KAZN: variants seen among roughly 807,000 people sequenced by gnomAD.
KAZN encodes kazrin, periplakin interacting protein.
In KAZN, 40 loss-of-function variants were observed where a neutral mutation model predicts 87.4. That is an observed-to-expected ratio of 0.46 (90% CI 0.36 to 0.60). KAZN has a LOEUF of 0.60. Ranked by LOEUF, KAZN falls within the 20% of genes least tolerant of loss-of-function variation. The probability of loss-of-function intolerance (pLI) is 0.00; values close to 1 mark genes in which losing one functional copy is unlikely to be tolerated. For missense variants in KAZN, 898 were observed against 1,073.9 expected (o/e 0.84, Z 2.29); for synonymous variants, 466 against 458.3 (o/e 1.02, Z -0.22).
At chr1:15,090,973 G>A (rs182001686) in intron 8 of KAZN, among the ~76,000 whole-genome samples, 4 of 152,340 alleles carry the variant, frequency 2.6e-5, no homozygotes, top group Non-Finnish European at 4.4e-5. Flanking sequence ...TTAAAATGGA[G>A]AGAGGGAAGG....
At chr1:14,007,247 T>C (rs1640076843) in intron 1 of KAZN, among the ~76,000 whole-genome samples, 1 of 152,254 alleles carries the variant, frequency 6.6e-6, no homozygotes, top group Non-Finnish European at 1.5e-5. Flanking sequence ...ATGTAGTCTT[T>C]AAGGTTTTCC....
rs941594957 is a variant in KAZN, at chr1:14,949,018, G to A, written c.227-11666G>A. ...CAAAAAATACAAACATTAGAAGGGC[G>A]TTGTAGCACATGCCTGTAATCCCAG... On this transcript the variant is annotated intron_variant, in intron 1 of 14. Transcript: ENST00000376030. The surrounding 1 kb of genome is among the most constrained non-coding windows in gnomAD (Gnocchi z 4.3). Among the ~76,000 whole-genome samples the A allele has an allele frequency of 3.9e-5, 6 of 151,948 alleles. No homozygotes were observed. Among genetic ancestry groups the A allele is most frequent in the East Asian group, 1.9e-4 (1 of 5,176 alleles).
intron 1 of KAZN, among the ~76,000 whole-genome samples, chr1:14,752,646 T>C (rs948187247): frequency 6.6e-6 from 1 of 152,082 alleles, no homozygotes; most frequent in Non-Finnish European, 1.5e-5. Flanking sequence ...ACCAATCCCA[T>C]TCATGAGGGC....
chr1:14,659,466 A>G (rs1461893618), intron 1 of KAZN, among the ~76,000 whole-genome samples: 1 of 152,114 alleles, frequency 6.6e-6, no homozygotes, highest in Non-Finnish European at 1.5e-5. Flanking sequence ...TCACTTACCT[A>G]GCCTCTCTGC....
intron 1 of KAZN, among the ~76,000 whole-genome samples, chr1:14,056,512 C>T (rs1177992537): frequency 6.6e-6 from 1 of 152,216 alleles, no homozygotes; most frequent in East Asian, 1.9e-4. Flanking sequence ...TTTAGCTCTG[C>T]AAGACTCATT....
At chr1:15,012,794 C>T (rs374419421) in intron 2 of KAZN, among the ~76,000 whole-genome samples, 2 of 152,110 alleles carry the variant, frequency 1.3e-5, no homozygotes, top group African/African-American at 4.8e-5. Flanking sequence ...TGGTGGTGCA[C>T]ACCTGTAGTC....
chr1:14,394,815 C>T (rs1200543993), intron 2 of KAZN, among the ~76,000 whole-genome samples: 4 of 152,208 alleles, frequency 2.6e-5, no homozygotes, highest in Non-Finnish European at 5.9e-5. Flanking sequence ...GGAAGTGTTC[C>T]TCTCTTACAG....
chr1:14,101,675 A>C (rs969441558), intron 1 of KAZN, among the ~76,000 whole-genome samples: 1 of 152,210 alleles, frequency 6.6e-6, no homozygotes, highest in East Asian at 1.9e-4. Context: ...AATTACTTTA[A>C]GTAGAATTTT....
chr1:14,047,224 C>A (rs559989758), intron 1 of KAZN, among the ~76,000 whole-genome samples: 18 of 152,272 alleles, frequency 1.2e-4, no homozygotes, highest in African/African-American at 3.1e-4. Context: ...GTGTCCACAC[C>A]CCCTCTCGGT....
intron 1 of KAZN, among the ~76,000 whole-genome samples, chr1:14,010,524 A>C (rs2101187583): frequency 6.6e-6 from 1 of 152,316 alleles, no homozygotes; most frequent in Admixed American, 6.5e-5. Context: ...TCACCATCCA[A>C]GTCTTGCAAT....
intron 2 of KAZN, among the ~76,000 whole-genome samples, chr1:15,024,681 A>T (rs1441410368): frequency 2.0e-5 from 3 of 151,920 alleles, no homozygotes; most frequent in Non-Finnish European, 4.4e-5. Context: ...TGACCCTCAC[A>T]CTCCTGGACC....
intron 2 of KAZN, among the ~76,000 whole-genome samples, chr1:14,322,739 C>T (rs927849043): frequency 6.6e-6 from 1 of 152,180 alleles, no homozygotes; most frequent in Admixed American, 6.5e-5. Flanking sequence ...TAACTTCTTA[C>T]TCAGGAACCA....
Position 14,753,106 on chromosome 1 carries a change from G to A in KAZN, c.226+153883G>A, listed in dbSNP as rs776753173. Among the ~76,000 whole-genome samples the A allele has an allele frequency of 8.1e-4, 123 of 152,308 alleles. 1 individual carries two copies. The highest frequency in any genetic ancestry group is 1.2e-3 in the South Asian group (6 of 4,820). Reference sequence around the variant, plus strand: ...CAAATCGTGGTTGAGGTCAATTGCCGACTGTTTACTGAGAGGATCCATCAT... The same window carrying A: ...CAAATCGTGGTTGAGGTCAATTGCCAACTGTTTACTGAGAGGATCCATCAT... On this transcript the variant is annotated intron_variant, in intron 1 of 14. Transcript: ENST00000376030.
intron 1 of KAZN, among the ~76,000 whole-genome samples, chr1:14,940,535 G>A (rs1660938185): frequency 6.6e-6 from 1 of 152,218 alleles, no homozygotes; most frequent in Admixed American, 6.5e-5. Flanking sequence ...AGAATGGGTT[G>A]GGTGGTTGGG....
chr1:14,274,641 G>GTGAC (rs1557609108), intron 2 of KAZN, among the ~76,000 whole-genome samples: 1 of 152,140 alleles, frequency 6.6e-6, no homozygotes, highest in Non-Finnish European at 1.5e-5. Flanking sequence ...CACTGGTTTG[G>GTGAC]TGACTGAAAG....
chr1:14,215,633 A>G (rs1454303738), intron 2 of KAZN, among the ~76,000 whole-genome samples: 1 of 152,204 alleles, frequency 6.6e-6, no homozygotes, highest in Non-Finnish European at 1.5e-5. Context: ...GAAAACTGCT[A>G]TAGGTCTGGC....
chr1:14,466,919 A>G (rs1668184258), intron 2 of KAZN, among the ~76,000 whole-genome samples: 1 of 152,172 alleles, frequency 6.6e-6, no homozygotes, highest in South Asian at 2.1e-4. Flanking sequence ...CAGTGAGCCG[A>G]GATCGCGCCA....
exon 1 of KAZN, chr1:13,893,350 C>T (rs1638910637): frequency 4.2e-6 from 1 of 235,528 alleles, no homozygotes; most frequent in Non-Finnish European, 8.1e-6. Context: ...GTTCCAGCCA[C>T]CCTTCCGGGT....
At chr1:13,977,577 A>G (rs908089516) in intron 1 of KAZN, among the ~76,000 whole-genome samples, 4 of 152,186 alleles carry the variant, frequency 2.6e-5, no homozygotes, top group African/African-American at 9.7e-5. Flanking sequence ...AGAGAAGAAA[A>G]TCTTATTCAT....
Sources: gnomAD v4.1 joint callset for allele counts (sites outside exome capture counted in the v4.1 genomes callset) on GRCh38, gnomAD v4.1.1 for gene constraint, Gnocchi (gnomAD v3.1) non-coding constraint, MANE v1.5 for transcripts, NCBI Gene and HGNC (gene_info 2026-07-23, HGNC 2026-07-21) for gene names.